Variants in NLGN1 observed in about 807,000 individuals in gnomAD.
NLGN1 encodes the protein neuroligin 1.
Under a neutral mutation model 65.5 loss-of-function variants are expected in NLGN1, and 12 were observed. The observed-to-expected ratio is 0.18, with a 90% CI of 0.12 to 0.30. The LOEUF (loss-of-function observed/expected upper bound fraction) is 0.30. NLGN1 is among the 10% of genes least tolerant of loss of function. NLGN1 has a pLI of 1.00. For synonymous variants in NLGN1, 350 were observed against 359.5 expected (o/e 0.97, Z 0.30); for missense variants, 750 against 1,007.1 (o/e 0.74, Z 3.46).
At chr3:173,559,353 T>A (rs1298827089) in intron 2 of NLGN1, among the ~76,000 whole-genome samples, 1 of 152,188 alleles carries the variant, frequency 6.6e-6, no homozygotes, top group African/African-American at 2.4e-5. Flanking sequence ...TTTATCCTTA[T>A]CCCTGAAAAG....
chr3:174,113,390 T>A (rs1485518981), intron 4 of NLGN1, among the ~76,000 whole-genome samples: 4 of 152,060 alleles, frequency 2.6e-5, no homozygotes, highest in African/African-American at 9.7e-5. Flanking sequence ...AAGAATATGA[T>A]TTATTTCCAA....
chr3:173,844,954 G>C (rs192553235), intron 4 of NLGN1, among the ~76,000 whole-genome samples: 9 of 152,332 alleles, frequency 5.9e-5, no homozygotes, highest in African/African-American at 2.2e-4. Flanking sequence ...GTTATGATCT[G>C]TGGAAGTTCT....
At chr3:173,535,552 A>T (rs768302530) in intron 2 of NLGN1, among the ~76,000 whole-genome samples, 4 of 152,192 alleles carry the variant, frequency 2.6e-5, no homozygotes, top group Non-Finnish European at 5.9e-5. Flanking sequence ...GTAATATGTA[A>T]AAAAGAGGAA....
At chr3:173,436,135 T>C (rs575829045) in intron 2 of NLGN1, among the ~76,000 whole-genome samples, 4 of 152,326 alleles carry the variant, frequency 2.6e-5, no homozygotes, top group South Asian at 2.1e-4. Flanking sequence ...AACCCAGCAC[T>C]TGTTGAGAAG....
At chr3:173,524,362 G>A (rs1015593741) in intron 2 of NLGN1, among the ~76,000 whole-genome samples, 1 of 152,062 alleles carries the variant, frequency 6.6e-6, no homozygotes, top group Non-Finnish European at 1.5e-5. Context: ...TTGACTCTCA[G>A]CCTGGACATT....
intron 4 of NLGN1, among the ~76,000 whole-genome samples, chr3:174,245,267 G>A (rs115277405): frequency 6.6e-6 from 1 of 151,858 alleles, no homozygotes; most frequent in Non-Finnish European, 1.5e-5. Context: ...AGTTCAAAAG[G>A]CAATCACCCT....
chr3:173,859,977 G>A (rs923812484), intron 4 of NLGN1, among the ~76,000 whole-genome samples: 3 of 151,784 alleles, frequency 2.0e-5, no homozygotes, highest in African/African-American at 7.2e-5. Context: ...CCTGCCAGAT[G>A]TTTATCTATT....
intron 3 of NLGN1, among the ~76,000 whole-genome samples, chr3:173,788,752 T>C (rs1192700497): frequency 1.4e-5 from 2 of 145,756 alleles, no homozygotes; most frequent in African/African-American, 5.1e-5. Flanking sequence ...GCCCAGGAGT[T>C]GGAGGCTGTA....
intron 3 of NLGN1, among the ~76,000 whole-genome samples, chr3:173,657,449 G>A (rs1760233511): frequency 6.6e-6 from 1 of 151,866 alleles, no homozygotes; most frequent in African/African-American, 2.4e-5. Context: ...CATTTTCTCT[G>A]TCCCTCCTGC....
intron 3 of NLGN1, among the ~76,000 whole-genome samples, chr3:173,634,084 A>C (rs930366737): frequency 6.6e-6 from 1 of 152,076 alleles, no homozygotes; most frequent in African/African-American, 2.4e-5. Context: ...CTAAATCCAC[A>C]TTTTTAATTA....
chr3:173,884,184 T>C (rs1432878439), intron 4 of NLGN1, among the ~76,000 whole-genome samples: 1 of 152,166 alleles, frequency 6.6e-6, no homozygotes. Context: ...AGGAGTTCTC[T>C]GCTCAGTAAT....
intron 4 of NLGN1, among the ~76,000 whole-genome samples, chr3:174,006,222 A>G (rs564084261): frequency 2.6e-4 from 39 of 152,312 alleles, no homozygotes; most frequent in African/African-American, 7.7e-4. Flanking sequence ...CTACTTCTCT[A>G]GACTCAATTT....
intron 1 of NLGN1, among the ~76,000 whole-genome samples, chr3:173,420,120 C>A (rs1298533004): frequency 6.7e-6 from 1 of 150,264 alleles, no homozygotes; most frequent in Non-Finnish European, 1.5e-5. Flanking sequence ...TACATGTGCA[C>A]AACGTGCAGG....
intron 4 of NLGN1, among the ~76,000 whole-genome samples, chr3:174,116,124 T>C (rs1716360307): frequency 6.6e-6 from 1 of 152,128 alleles, no homozygotes; most frequent in South Asian, 2.1e-4. Context: ...AATACACTTT[T>C]ATAAATACTG....
At chr3:173,886,480 AGTT>A (rs1330657666) in intron 4 of NLGN1, among the ~76,000 whole-genome samples, 1 of 152,056 alleles carries the variant, frequency 6.6e-6, no homozygotes, top group African/African-American at 2.4e-5. Flanking sequence ...CCATTTTACT[AGTT>A]ATTATTTTTC....
upstream of NLGN1, chr3:173,396,246 T>C (rs563556237): frequency 6.6e-6 from 1 of 152,536 alleles, no homozygotes; most frequent in South Asian, 2.0e-4. Context: ...TTTGGGTATT[T>C]TATTTTTAAT....
At chr3:173,787,994 A>G (rs1320645118) in intron 3 of NLGN1, among the ~76,000 whole-genome samples, 1 of 152,196 alleles carries the variant, frequency 6.6e-6, no homozygotes, top group Non-Finnish European at 1.5e-5. Context: ...TAATTGAAAA[A>G]TATAACTTCA....
chr3:173,902,694 G>T (rs1181006663), intron 4 of NLGN1, among the ~76,000 whole-genome samples: 1 of 152,064 alleles, frequency 6.6e-6, no homozygotes, highest in African/African-American at 2.4e-5. Flanking sequence ...GAGAATCATA[G>T]AGTAGGCATG....
At chr3:173,521,811 G>A (rs1261546528) in intron 2 of NLGN1, among the ~76,000 whole-genome samples, 1 of 152,198 alleles carries the variant, frequency 6.6e-6, no homozygotes. Flanking sequence ...ATTAAGAACA[G>A]TCACAGAGCT....
Sources: gnomAD v4.1 joint callset for allele counts (sites outside exome capture counted in the v4.1 genomes callset) on GRCh38, gnomAD v4.1.1 for gene constraint, MANE v1.5 for transcripts, NCBI Gene and HGNC (gene_info 2026-07-23, HGNC 2026-07-21) for gene names.